NBEAL1: variants seen among roughly 807,000 people sequenced by gnomAD.
The protein encoded by NBEAL1 is neurobeachin-like protein 1.
NBEAL1 carries 273 observed loss-of-function variants against 351.3 expected under a neutral mutation model. The observed-to-expected ratio is 0.78, with a 90% CI of 0.70 to 0.86. The LOEUF (loss-of-function observed/expected upper bound fraction) is 0.86, where lower values mean the gene tolerates loss of function less well. NBEAL1 is among the 40% of genes least tolerant of loss of function. The pLI, the probability that NBEAL1 is intolerant of heterozygous loss-of-function variation, is 0.00. For missense variants in NBEAL1, 2,961 were observed against 3,201.3 expected, an observed-to-expected ratio of 0.92 and a Z score of 1.81; for synonymous variants, 1,050 against 1,086.4, an observed-to-expected ratio of 0.97 and a Z score of 0.66.
At chr2:203,204,326 T>G (rs552240458) in intron 51 of NBEAL1, among the ~76,000 whole-genome samples, 159 of 143,124 alleles carry the variant, frequency 1.1e-3, no homozygotes, top group South Asian at 2.4e-3. Flanking sequence ...GTTTTTTGGT[T>G]TTTTTTTTTT....
At position 203,167,347 on chromosome 2, in the gene NBEAL1, A is replaced by G. The variant is rs143836127; in HGVS notation, c.5984A>G (p.Asn1995Ser). Residue 1995 changes from asparagine to serine, a missense_variant, in exon 38 of 56, where the codon AAT (asparagine) becomes AGT (serine). Coordinates refer to ENST00000683969, the MANE Select transcript of NBEAL1 (RefSeq NM_001378026.1). ...FHVDQSNYFLNFKKEVRNKIY... is the reference protein window; with the variant it reads ...FHVDQSNYFLSFKKEVRNKIY... The stretch of plus-strand genomic sequence containing the variant: ...GTTGACCAATCCAACTACTTTCTCA[A>G]TTTCAAAAAAGAGGTATGTATTATG... 3.8e-4 allele frequency: 611 copies of G among 1,608,818 alleles called. 3 individuals are homozygous for G. The African/African-American group carries it at 7.0e-3, about 18-fold the overall frequency.
chr2:203,210,968 C>T lies in NBEAL1; in HGVS notation c.7796C>T (p.Ala2599Val), dbSNP rs751408906. The change falls in exon 54 of 56, where the codon GCA (alanine) becomes GTA (valine). Residue 2599 changes from alanine (A) to valine (V), a missense_variant. Coordinates refer to ENST00000683969, the MANE Select transcript of NBEAL1 (RefSeq NM_001378026.1). ...CTTAATTCTTTTCAGGATAAGAATGCATTACATCTGTTTTCTATAAATGGC... is the reference window on the plus strand; with the variant it reads ...CTTAATTCTTTTCAGGATAAGAATGTATTACATCTGTTTTCTATAAATGGC... The part of the protein sequence containing the change: ...EEKTTLKDKN[A>V]LHLFSINGKY... 1 of 1,575,758 alleles carries T rather than the reference C, an allele frequency of 6.3e-7. No individual in the cohort carries two copies. Among genetic ancestry groups the T allele is most frequent in the South Asian group, 1.2e-5 (1 of 83,460 alleles).
Position 203,126,667 on chromosome 2 carries a change from A to G in NBEAL1, c.3096A>G (p.Leu1032=), listed in dbSNP as rs2062942670. 2 of 1,526,452 alleles carry G rather than the reference A, an allele frequency of 1.3e-6. No individual in the cohort carries two copies. The highest frequency in any genetic ancestry group is 1.8e-6 in the Non-Finnish European group (2 of 1,137,404). The allele number at this position is 1,526,452 out of a possible 1,614,324, so 94.6% of individuals were successfully genotyped here. The change falls in exon 22 of 56, where the codon TTA becomes TTG. Residue 1032 remains leucine (L), a synonymous_variant. Coordinates refer to ENST00000683969, the MANE Select transcript of NBEAL1 (RefSeq NM_001378026.1). ...TCCTGCAACAAATGTATCAATATTT[A>G]CTCTTTGACTTTCGTATTTGGAACC... ...MQLLQQMYQY[L]LFDFRIWNRG...
At chr2:203,109,109 C>T (rs528623170) in intron 14 of NBEAL1, among the ~76,000 whole-genome samples, 1 of 152,270 alleles carries the variant, frequency 6.6e-6, no homozygotes, top group East Asian at 1.9e-4. Context: ...GTAATCCTAG[C>T]ACTTTAAGTG....
rs1239695360 is a variant in NBEAL1 at position 203,161,834 on chromosome 2, A to AAAAT, written c.5714+4024_5714+4027dup. ...GGTGACAGAGCCAGACCCTATCTCT[A>AAAAT]AAATAAATAAATAAATAAGCAAGAC... On this transcript the variant is annotated intron_variant, in intron 36 of 55. Coordinates refer to ENST00000683969, the MANE Select transcript of NBEAL1 (RefSeq NM_001378026.1). Among the ~76,000 whole-genome samples, 7 of 151,618 alleles carry AAAAT rather than the reference A, an allele frequency of 4.6e-5. No individual in the cohort carries two copies. The East Asian group carries it at 7.7e-4, about 17-fold the overall frequency.
chr2:203,193,465 C>G (rs1265304429), intron 46 of NBEAL1, among the ~76,000 whole-genome samples: 1 of 151,906 alleles, frequency 6.6e-6, no homozygotes, highest in African/African-American at 2.4e-5. Flanking sequence ...AGACCATAAA[C>G]AACTATATGT....
At chr2:203,046,230 A>G (rs2106059328) in intron 3 of NBEAL1, among the ~76,000 whole-genome samples, 1 of 151,570 alleles carries the variant, frequency 6.6e-6, no homozygotes, top group South Asian at 2.1e-4. Flanking sequence ...TTATTTATTT[A>G]TTTGAGACAG....
intron 2 of NBEAL1, among the ~76,000 whole-genome samples, chr2:203,032,871 G>C (rs2060973902): frequency 1.3e-5 from 2 of 150,532 alleles, no homozygotes; most frequent in Non-Finnish European, 3.0e-5. Flanking sequence ...CATTATGTTG[G>C]CCAGGCTGGT....
At chr2:203,174,487 T>C (rs551516959) in intron 41 of NBEAL1, among the ~76,000 whole-genome samples, 41 of 152,186 alleles carry the variant, frequency 2.7e-4, no homozygotes, top group African/African-American at 9.4e-4. Context: ...ACCAAAAAAT[T>C]TGTGTTAATT....
chr2:203,213,202 AGAG>A (rs2065834886), intron 54 of NBEAL1, among the ~76,000 whole-genome samples: 1 of 152,252 alleles, frequency 6.6e-6, no homozygotes, highest in African/African-American at 2.4e-5. Context: ...AATTGAAAAA[AGAG>A]TAAGATTCTC....
At chr2:203,074,247 T>C (rs1472971298) in intron 7 of NBEAL1, among the ~76,000 whole-genome samples, 1 of 151,606 alleles carries the variant, frequency 6.6e-6, no homozygotes, top group Non-Finnish European at 1.5e-5. Flanking sequence ...ATTACATTAA[T>C]AAAATGAAAA....
intron 10 of NBEAL1, among the ~76,000 whole-genome samples, chr2:203,092,077 GGCGTACACTTT>G (rs1251750291): frequency 6.6e-6 from 1 of 152,014 alleles, no homozygotes; most frequent in African/African-American, 2.4e-5. Flanking sequence ...TAGGTCATAG[GGCGTACACTTT>G]TCTTGTTTCT....
At chr2:203,027,629 G>A (rs1464204805) in intron 2 of NBEAL1, among the ~76,000 whole-genome samples, 1 of 152,092 alleles carries the variant, frequency 6.6e-6, no homozygotes, top group Non-Finnish European at 1.5e-5. Context: ...TTTTTATTGA[G>A]TGATTTTTGT....
intron 26 of NBEAL1, among the ~76,000 whole-genome samples, chr2:203,132,713 A>C (rs1175347151): frequency 1.3e-5 from 2 of 152,156 alleles, no homozygotes; most frequent in African/African-American, 4.8e-5. Flanking sequence ...AATGACAGAC[A>C]GTAGAATTTA....
rs560101287 is a variant in NBEAL1 at position 203,138,562 on chromosome 2, C to G, written c.4720-58C>G. Reference sequence around the variant, plus strand: ...TGTATTAATGTTGGGGAAAATTGATCATCAGTAAATTGAAAAACTGAATGT... The same window carrying G: ...TGTATTAATGTTGGGGAAAATTGATGATCAGTAAATTGAAAAACTGAATGT... On this transcript the variant is annotated intron_variant, in intron 30 of 55. Coordinates refer to ENST00000683969, the MANE Select transcript of NBEAL1 (RefSeq NM_001378026.1). The G allele has an allele frequency of 3.9e-5, 58 of 1,480,540 alleles. No homozygotes were observed. The African/African-American group carries it at 8.1e-4, about 21-fold the overall frequency. The allele number at this position is 1,480,540 out of a possible 1,614,324, so 91.7% of individuals were successfully genotyped here. A position where few individuals can be genotyped will look rare whatever the true frequency, so the allele number is the denominator to read the frequency against.
intron 12 of NBEAL1, among the ~76,000 whole-genome samples, chr2:203,100,548 CTTTT>C (rs201429973): frequency 1.5e-5 from 2 of 137,320 alleles, no homozygotes; most frequent in Non-Finnish European, 1.6e-5. Flanking sequence ...GTTTTCTTTT[CTTTT>C]TTTTTTTTTT....
chr2:203,141,341 GATT>G (rs1245124579), intron 31 of NBEAL1, among the ~76,000 whole-genome samples: 1,092 of 38,600 alleles, frequency 0.028, 43 homozygotes, highest in East Asian at 0.07. Flanking sequence ...AGATAAGACA[GATT>G]ATTATTATTA....
At chr2:203,121,239 CG>C (rs1486676190) in intron 18 of NBEAL1, among the ~76,000 whole-genome samples, 2 of 151,832 alleles carry the variant, frequency 1.3e-5, no homozygotes, top group Non-Finnish European at 2.9e-5. Flanking sequence ...TTTAATCACA[CG>C]TTTTATGTGT....
chr2:203,017,005 C>T (rs1370452487), intron 2 of NBEAL1, among the ~76,000 whole-genome samples: 2 of 152,138 alleles, frequency 1.3e-5, no homozygotes, highest in African/African-American at 4.8e-5. Flanking sequence ...TACTGAGTAG[C>T]CGAGAAACAC....
Sources: gnomAD v4.1 joint callset for allele counts (sites outside exome capture counted in the v4.1 genomes callset) on GRCh38, gnomAD v4.1.1 for gene constraint, MANE v1.5 for transcripts, NCBI Gene and HGNC (gene_info 2026-07-23, HGNC 2026-07-21) for gene names.